Variants in HAT1 observed in about 807,000 individuals in gnomAD.
HAT1 encodes the protein histone acetyltransferase type B catalytic subunit.
Under a neutral mutation model 56.6 loss-of-function variants are expected in HAT1, and 20 were observed. The ratio of observed to expected loss-of-function variants is 0.35; its 90% CI spans 0.25 to 0.51. The LOEUF (loss-of-function observed/expected upper bound fraction) is 0.51. Among genes scored for constraint, HAT1 ranks in the 20% least tolerant of loss-of-function variants. HAT1 has a pLI of 0.95. For missense variants in HAT1, 408 were observed against 504.3 expected, an observed-to-expected ratio of 0.81 and a Z score of 1.83; for synonymous variants, 146 against 165.5, an observed-to-expected ratio of 0.88 and a Z score of 0.91.
chr2:171,948,957 C>A (rs1687236520), intron 3 of HAT1, among the ~76,000 whole-genome samples: 1 of 152,064 alleles, frequency 6.6e-6, no homozygotes, highest in African/African-American at 2.4e-5. Context: ...AGTGTTTTTT[C>A]CTTTGTAATT....
chr2:171,930,187 A>G (rs574089452), intron 2 of HAT1, among the ~76,000 whole-genome samples: 1 of 152,128 alleles, frequency 6.6e-6, no homozygotes, highest in Non-Finnish European at 1.5e-5. Flanking sequence ...TTATTTTTGT[A>G]TGTGTGACAT....
chr2:171,952,857 T>C, intron 3 of HAT1, 24 bp from the exon 4 acceptor site: 1 of 1,549,840 alleles, frequency 6.5e-7, no homozygotes, highest in Non-Finnish European at 8.8e-7. Flanking sequence ...ATTCATTCCA[T>C]TATTGCTATT....
intron 2 of HAT1, among the ~76,000 whole-genome samples, chr2:171,928,307 T>C (rs1686649157): frequency 6.6e-6 from 1 of 152,252 alleles, no homozygotes. Flanking sequence ...GATAGAACTT[T>C]ATTACTTACT....
At chr2:171,962,337 C>T (rs1687594755) in intron 4 of HAT1, among the ~76,000 whole-genome samples, 1 of 152,066 alleles carries the variant, frequency 6.6e-6, no homozygotes. Context: ...AATAAATTAC[C>T]AAGCGTTAGG....
intron 2 of HAT1, among the ~76,000 whole-genome samples, chr2:171,935,848 C>T (rs943069436): frequency 1.3e-5 from 2 of 152,012 alleles, no homozygotes; most frequent in African/African-American, 2.4e-5. Flanking sequence ...CCACAACACT[C>T]CAGCCTGGGT....
At chr2:171,942,878 G>C (rs1393197581) in intron 2 of HAT1, among the ~76,000 whole-genome samples, 1 of 152,060 alleles carries the variant, frequency 6.6e-6, no homozygotes, top group East Asian at 1.9e-4. Context: ...TCATAACTAG[G>C]CTTAAGACAA....
intron 4 of HAT1, among the ~76,000 whole-genome samples, chr2:171,953,762 A>G (rs1321819007): frequency 6.6e-6 from 1 of 151,864 alleles, no homozygotes; most frequent in Non-Finnish European, 1.5e-5. Flanking sequence ...TGGGAGGCCA[A>G]GGTGGGCGGA....
chr2:171,929,783 T>C (rs907248838), intron 2 of HAT1, among the ~76,000 whole-genome samples: 10 of 152,104 alleles, frequency 6.6e-5, no homozygotes, highest in Admixed American at 5.9e-4. Context: ...TCTGGACTTT[T>C]CTCATTCATT....
chr2:171,938,085 C>A (rs1686923819), intron 2 of HAT1, among the ~76,000 whole-genome samples: 1 of 116,834 alleles, frequency 8.6e-6, no homozygotes, highest in Non-Finnish European at 1.8e-5. Context: ...TTTAAATGAA[C>A]TGTAAGAGTA....
intron 4 of HAT1, chr2:171,965,087 C>A: frequency 4.9e-6 from 2 of 405,426 alleles, no homozygotes; most frequent in South Asian, 8.1e-5. Flanking sequence ...CATAGCATTG[C>A]CCTTATTATT....
In HAT1 at chr2:171,977,544, TATATATATATA is replaced by T. The variant is rs1469292070; in HGVS notation, c.975+1237_975+1247del. On this transcript the variant is annotated intron_variant, in intron 9 of 10. Coordinates refer to ENST00000264108, the MANE Select transcript of HAT1 (RefSeq NM_003642.4). ...ATATGAATATATATATATATATATA[TATATATATATA>T]TATTTTTTTTTTTTTTTTTTTTTTA... Among the ~76,000 whole-genome samples the T allele has an allele frequency of 6.9e-4, 10 of 14,572 alleles. No individual in the cohort carries two copies. In the East Asian group the frequency reaches 0.017, roughly 24 times the overall value. 9.6% of individuals were successfully genotyped at this position (14,572 alleles called of 152,430 possible). A position where few individuals can be genotyped will look rare whatever the true frequency, so the allele number is the denominator to read the frequency against.
intron 9 of HAT1, among the ~76,000 whole-genome samples, chr2:171,977,730 A>G (rs1688025215): frequency 6.6e-6 from 1 of 151,088 alleles, no homozygotes; most frequent in Non-Finnish European, 1.5e-5. Flanking sequence ...GGCTTTACTC[A>G]TCTTCTAGCC....
chr2:171,977,537 ATATATATATATATATATATAT>A (rs1428285376), intron 9 of HAT1, among the ~76,000 whole-genome samples: 152 of 14,984 alleles, frequency 0.01, 4 homozygotes, highest in Non-Finnish European at 0.016. Context: ...ATATATATAT[ATATATATATATATATATATAT>A]TTTTTTTTTT....
intron 7 of HAT1, 123 bp downstream of exon 7, chr2:171,966,636 A>G: frequency 4.6e-6 from 3 of 657,444 alleles, no homozygotes; most frequent in Non-Finnish European, 8.2e-6. Context: ...TTCATGGGCT[A>G]TGTACTGATT....
chr2:171,946,989 TTCTCACAGCA>T (rs1156968507), intron 3 of HAT1, among the ~76,000 whole-genome samples: 30 of 152,318 alleles, frequency 2.0e-4, no homozygotes, highest in African/African-American at 7.0e-4. Flanking sequence ...CATTATTTAA[TTCTCACAGCA>T]GTATTAATGA....
chr2:171,977,009 A>C (rs1439299131), intron 9 of HAT1, among the ~76,000 whole-genome samples: 1 of 151,942 alleles, frequency 6.6e-6, no homozygotes, highest in Non-Finnish European at 1.5e-5. Context: ...CCCCACCTCT[A>C]CTAAAAATAC....
At chr2:171,973,862 G>T (rs917101976) in intron 8 of HAT1, among the ~76,000 whole-genome samples, 2 of 152,026 alleles carry the variant, frequency 1.3e-5, no homozygotes, top group Admixed American at 1.3e-4. Context: ...AAAGGTTGGG[G>T]ATCACTGCTC....
chr2:171,974,556 A>G (rs957174988), intron 8 of HAT1, among the ~76,000 whole-genome samples: 1 of 152,114 alleles, frequency 6.6e-6, no homozygotes, highest in East Asian at 1.9e-4. Flanking sequence ...AGTCAGATGC[A>G]TTTTCTTTCT....
chr2:171,969,919 G>T (rs1430073987), intron 8 of HAT1, among the ~76,000 whole-genome samples: 2 of 152,134 alleles, frequency 1.3e-5, no homozygotes, highest in Non-Finnish European at 2.9e-5. Flanking sequence ...TTGGGAGGCT[G>T]AGCTGGAGGG....
Sources: allele counts gnomAD v4.1 joint callset (sites outside exome capture counted in the v4.1 genomes callset), GRCh38; gene constraint gnomAD v4.1.1; transcripts MANE v1.5; gene names NCBI Gene and HGNC (gene_info 2026-07-23, HGNC 2026-07-21).